The following CSMD1 variants were observed in gnomAD, a reference collection of about 807,000 sequenced individuals.
CSMD1 encodes the protein CUB and Sushi multiple domains 1.
In CSMD1, 213 loss-of-function variants were observed where a neutral mutation model predicts 417.5. The ratio of observed to expected loss-of-function variants is 0.51; its 90% CI spans 0.46 to 0.57. The LOEUF (loss-of-function observed/expected upper bound fraction) is 0.57. Among genes scored for constraint, CSMD1 ranks in the 20% least tolerant of loss-of-function variants. CSMD1 has a pLI of 0.00. For synonymous variants in CSMD1, 2,862 were observed against 1,736.8 expected (o/e 1.65, Z -16.11); for missense variants, 6,923 against 4,529.7 (o/e 1.53, Z -15.17).
At chr8:2,953,890 G>A (rs980103909) in intron 65 of CSMD1, among the ~76,000 whole-genome samples, 3 of 152,192 alleles carry the variant, frequency 2.0e-5, no homozygotes, top group Admixed American at 6.5e-5. Context: ...GAAAAAAGTC[G>A]CAACCCTCTT....
At chr8:3,566,093 G>T (rs755154407) in intron 10 of CSMD1, among the ~76,000 whole-genome samples, 2 of 152,008 alleles carry the variant, frequency 1.3e-5, no homozygotes, top group Non-Finnish European at 2.9e-5. Context: ...AAAATAAACA[G>T]AAAGGGAAGG....
At chr8:4,698,772 C>G (rs1180525253) in intron 1 of CSMD1, among the ~76,000 whole-genome samples, 1 of 151,014 alleles carries the variant, frequency 6.6e-6, no homozygotes, top group African/African-American at 2.4e-5. Context: ...AAAAAAATTC[C>G]ACCATATAAA....
At chr8:4,267,805 TTG>T (rs1387976817) in intron 3 of CSMD1, among the ~76,000 whole-genome samples, 1 of 152,108 alleles carries the variant, frequency 6.6e-6, no homozygotes, top group Non-Finnish European at 1.5e-5. Context: ...AAAAGGTACA[TTG>T]CAGGTGTGCA....
At chr8:4,694,349 T>A (rs570805678) in intron 1 of CSMD1, among the ~76,000 whole-genome samples, 1 of 152,042 alleles carries the variant, frequency 6.6e-6, no homozygotes, top group Non-Finnish European at 1.5e-5. Flanking sequence ...TACTTCTTTT[T>A]TTTATTTTTT....
intron 47 of CSMD1, among the ~76,000 whole-genome samples, chr8:3,095,179 G>C (rs552376659): frequency 2.8e-4 from 43 of 152,206 alleles, no homozygotes; most frequent in Non-Finnish European, 5.4e-4. Context: ...ACATGCATAA[G>C]TTCAAAATAA....
intron 7 of CSMD1, among the ~76,000 whole-genome samples, chr8:3,632,409 A>G (rs1796829450): frequency 6.6e-6 from 1 of 152,190 alleles, no homozygotes. Context: ...TACCCCTGGG[A>G]TATGTCCATG....
intron 1 of CSMD1, among the ~76,000 whole-genome samples, chr8:4,960,924 G>A (rs900187501): frequency 2.6e-5 from 4 of 152,102 alleles, no homozygotes; most frequent in African/African-American, 9.7e-5. Context: ...GCATGTGGCT[G>A]TTACTTCTGA....
At chr8:4,490,037 C>G (rs994499670) in intron 2 of CSMD1, among the ~76,000 whole-genome samples, 1 of 116,420 alleles carries the variant, frequency 8.6e-6, no homozygotes. Flanking sequence ...ACTCAGGTAC[C>G]AATTTTTTTT....
At chr8:4,306,340 A>C (rs1798243785) in intron 3 of CSMD1, among the ~76,000 whole-genome samples, 1 of 152,004 alleles carries the variant, frequency 6.6e-6, no homozygotes, top group Non-Finnish European at 1.5e-5. Flanking sequence ...CACCATTTTT[A>C]CTCCTTTATG....
intron 8 of CSMD1, among the ~76,000 whole-genome samples, chr8:3,594,885 A>T (rs983353050): frequency 1.3e-5 from 2 of 152,154 alleles, no homozygotes; most frequent in African/African-American, 4.8e-5. Context: ...CCCTGCAATA[A>T]ATACCTTTGG....
intron 9 of CSMD1, among the ~76,000 whole-genome samples, chr8:3,584,386 G>A (rs1005287990): frequency 6.6e-6 from 1 of 152,182 alleles, no homozygotes; most frequent in South Asian, 2.1e-4. Flanking sequence ...TGATCAAGTG[G>A]GACACTTGAA....
intron 1 of CSMD1, among the ~76,000 whole-genome samples, chr8:4,964,355 G>C (rs1369661840): frequency 1.3e-5 from 2 of 151,200 alleles, no homozygotes; most frequent in Non-Finnish European, 3.0e-5. Context: ...TCTACAAAAA[G>C]TACAAGAAAA....
intron 1 of CSMD1, among the ~76,000 whole-genome samples, chr8:4,734,629 G>T (rs1810109520): frequency 6.6e-6 from 1 of 152,050 alleles, no homozygotes; most frequent in Non-Finnish European, 1.5e-5. Context: ...ATATTTTTAG[G>T]TACTGGAAAT....
chr8:4,500,582 A>G (rs1195760106), intron 2 of CSMD1, among the ~76,000 whole-genome samples: 1 of 152,188 alleles, frequency 6.6e-6, no homozygotes, highest in South Asian at 2.1e-4. Context: ...GAAGAACAGG[A>G]TAGCTGTTCT....
At chr8:3,790,606 A>G (rs1200976405) in intron 5 of CSMD1, among the ~76,000 whole-genome samples, 1 of 152,216 alleles carries the variant, frequency 6.6e-6, no homozygotes, top group African/African-American at 2.4e-5. Flanking sequence ...CACAACAATT[A>G]CATTTCACAA....
intron 40 of CSMD1, 153 bp downstream of exon 40, chr8:3,151,244 G>T: frequency 1.8e-6 from 1 of 542,014 alleles, no homozygotes; most frequent in East Asian, 2.9e-5. Flanking sequence ...CACTCTCAAA[G>T]TTACTCTGCC....
chr8:3,291,937 C>A (rs1803604097), intron 25 of CSMD1, among the ~76,000 whole-genome samples: 2 of 151,940 alleles, frequency 1.3e-5, no homozygotes, highest in South Asian at 4.2e-4. Context: ...AATTTTAGAT[C>A]TTTCCTGCTT....
intron 3 of CSMD1, among the ~76,000 whole-genome samples, chr8:4,413,343 C>T (rs181700496): frequency 1.3e-5 from 2 of 152,210 alleles, no homozygotes; most frequent in Admixed American, 1.3e-4. Context: ...CAAACCAATT[C>T]TATCATTCAT....
At chr8:4,777,704 A>G (rs1796935921) in intron 1 of CSMD1, among the ~76,000 whole-genome samples, 1 of 152,196 alleles carries the variant, frequency 6.6e-6, no homozygotes, top group Non-Finnish European at 1.5e-5. Context: ...TGAAACTGCA[A>G]TTACTTCTGC....
Sources: gnomAD v4.1 joint callset for allele counts (sites outside exome capture counted in the v4.1 genomes callset) on GRCh38, gnomAD v4.1.1 for gene constraint, MANE v1.5 for transcripts, NCBI Gene and HGNC (gene_info 2026-07-23, HGNC 2026-07-21) for gene names.